Variants in ESRRG observed in about 807,000 individuals in gnomAD.
The protein encoded by ESRRG is estrogen-related receptor gamma.
In ESRRG, 13 loss-of-function variants were observed where a neutral mutation model predicts 44.0. The ratio of observed to expected loss-of-function variants is 0.30; its 90% CI spans 0.19 to 0.47. The LOEUF (loss-of-function observed/expected upper bound fraction) is 0.47, where lower values mean the gene tolerates loss of function less well. Among genes scored for constraint, ESRRG ranks in the 20% least tolerant of loss-of-function variants. The probability of loss-of-function intolerance (pLI) is 1.00; values close to 1 mark genes in which losing one functional copy is unlikely to be tolerated. For missense variants in ESRRG, 395 were observed against 580.6 expected, an observed-to-expected ratio of 0.68 and a Z score of 3.29; for synonymous variants, 215 against 214.6, an observed-to-expected ratio of 1.00 and a Z score of -0.02.
chr1:216,519,269 A>C lies in ESRRG; in HGVS notation c.1015T>G (p.Leu339Val). The change falls in exon 6 of 7, where the codon TTA becomes GTA. Residue 339 changes from leucine (L) to valine (V), a missense_variant. Leu to Val is a conservative substitution (Grantham distance 32). Around this residue, in one of 5 missense-constraint regions of ESRRG, gnomAD observed 167 missense variants for 251.8 expected, o/e 0.66. Coordinates refer to ENST00000408911, the MANE Select transcript of ESRRG (RefSeq NM_001438.4). The stretch of plus-strand genomic sequence containing the variant: ...TTATTTAGATCAAGAAGGCCTGCTA[A>C]TTTGGACTGGTCTTCGTCCATTATA... ...DYIMDEDQSK[L>V]AGLLDLNNAI... 1.2e-6 allele frequency: 2 copies of C among 1,613,884 alleles called. No individual in the cohort carries two copies. The highest frequency in any genetic ancestry group is 1.7e-6 in the Non-Finnish European group (2 of 1,179,860).
At chr1:216,898,288 C>A (rs2149461447) in intron 2 of ESRRG, among the ~76,000 whole-genome samples, 1 of 152,276 alleles carries the variant, frequency 6.6e-6, no homozygotes, top group Admixed American at 6.5e-5. Flanking sequence ...GGACTCATTT[C>A]ATATACCATT....
chr1:217,133,630 T>TC (rs763354901), intron 1 of ESRRG, among the ~76,000 whole-genome samples: 44 of 46,352 alleles, frequency 9.5e-4, no homozygotes, highest in Non-Finnish European at 1.1e-3. Flanking sequence ...TCTTTCTTTC[T>TC]TTCTCTCTCT....
chr1:216,647,645 C>T (rs1345320041), intron 3 of ESRRG, among the ~76,000 whole-genome samples: 1 of 152,122 alleles, frequency 6.6e-6, no homozygotes, highest in East Asian at 1.9e-4. Context: ...TCACTTTCTC[C>T]TTCACACTCC....
chr1:216,937,598 G>A (rs187205380), intron 2 of ESRRG, among the ~76,000 whole-genome samples: 3 of 152,224 alleles, frequency 2.0e-5, no homozygotes, highest in Non-Finnish European at 4.4e-5. Context: ...TGGCTCAAAT[G>A]AGCTGAAAAT....
At chr1:216,899,737 T>C (rs1013450891) in intron 2 of ESRRG, among the ~76,000 whole-genome samples, 3 of 152,168 alleles carry the variant, frequency 2.0e-5, no homozygotes, top group African/African-American at 7.2e-5. Flanking sequence ...ACTGGGATGA[T>C]GCTAACATTG....
intron 2 of ESRRG, among the ~76,000 whole-genome samples, chr1:216,730,465 T>C (rs1049950631): frequency 1.3e-5 from 2 of 152,092 alleles, no homozygotes; most frequent in African/African-American, 4.8e-5. Context: ...CCTTCAGGGA[T>C]TCAGTTTTGT....
chr1:216,740,902 A>G (rs2090600733), intron 2 of ESRRG, among the ~76,000 whole-genome samples: 1 of 151,412 alleles, frequency 6.6e-6, no homozygotes, highest in African/African-American at 2.4e-5. Flanking sequence ...ATGGGATTAT[A>G]TATACATATT....
intron 2 of ESRRG, among the ~76,000 whole-genome samples, chr1:216,790,407 G>A (rs953670796): frequency 1.3e-5 from 2 of 152,064 alleles, no homozygotes; most frequent in African/African-American, 4.8e-5. Flanking sequence ...TAAGGCATAA[G>A]TCACTTTATA....
chr1:216,615,472 C>A (rs1036524561), intron 3 of ESRRG, among the ~76,000 whole-genome samples: 4 of 152,136 alleles, frequency 2.6e-5, no homozygotes, highest in Admixed American at 2.6e-4. Context: ...GCATGACGTA[C>A]AATCTCTGTT....
rs573015322 is a variant in ESRRG, at chr1:216,563,969, G to A, written c.862+250C>T. Reference sequence around the variant, plus strand: ...AGAAATGTTTTAAATTTATATTCTCGTTAGCTTACACTGGCAGTAGTACCT... The same window carrying A: ...AGAAATGTTTTAAATTTATATTCTCATTAGCTTACACTGGCAGTAGTACCT... On this transcript the variant is annotated intron_variant, in intron 5 of 6. Transcript: ENST00000408911. Among the ~76,000 whole-genome samples the A allele has an allele frequency of 2.7e-4, 41 of 152,178 alleles. 1 individual carries two copies. Among genetic ancestry groups the A allele is most frequent in the South Asian group, 4.1e-4 (2 of 4,824 alleles).
chr1:216,605,545 A>T (rs1250926978), intron 3 of ESRRG, among the ~76,000 whole-genome samples: 1 of 152,226 alleles, frequency 6.6e-6, no homozygotes, highest in Non-Finnish European at 1.5e-5. Context: ...AAAGAGGATT[A>T]TATCTAAAAA....
At chr1:216,568,347 C>T (rs1001084530) in intron 3 of ESRRG, among the ~76,000 whole-genome samples, 1 of 152,184 alleles carries the variant, frequency 6.6e-6, no homozygotes, top group Admixed American at 6.5e-5. Flanking sequence ...ACTATTTGCA[C>T]ATCAAAGAAA....
chr1:216,802,695 T>G (rs2094661340), intron 2 of ESRRG, among the ~76,000 whole-genome samples: 1 of 152,258 alleles, frequency 6.6e-6, no homozygotes, highest in South Asian at 2.1e-4. Flanking sequence ...TTCAGATGTT[T>G]ATGCCCATCC....
chr1:216,761,185 C>A (rs193298048), intron 2 of ESRRG, among the ~76,000 whole-genome samples: 8 of 151,614 alleles, frequency 5.3e-5, no homozygotes, highest in African/African-American at 1.9e-4. Context: ...TTTTCTTGTT[C>A]TAGAAATAAG....
intron 1 of ESRRG, among the ~76,000 whole-genome samples, chr1:217,039,411 T>G (rs1053382077): frequency 6.6e-6 from 1 of 152,156 alleles, no homozygotes; most frequent in Admixed American, 6.5e-5. Context: ...CAGTTCCACA[T>G]GTAAGTGTGG....
At chr1:216,829,052 T>C (rs1212953053) in intron 2 of ESRRG, among the ~76,000 whole-genome samples, 1 of 152,198 alleles carries the variant, frequency 6.6e-6, no homozygotes, top group Non-Finnish European at 1.5e-5. Context: ...TTAAGTGACA[T>C]TTCTTTTATT....
At chr1:216,828,798 C>G (rs929481835) in intron 2 of ESRRG, among the ~76,000 whole-genome samples, 1 of 96,614 alleles carries the variant, frequency 1.0e-5, no homozygotes, top group Non-Finnish European at 2.4e-5. Context: ...TGCTAGAACC[C>G]ATATGTCCTC....
At chr1:216,630,320 C>A (rs1392982488) in intron 3 of ESRRG, among the ~76,000 whole-genome samples, 3 of 152,066 alleles carry the variant, frequency 2.0e-5, no homozygotes, top group Non-Finnish European at 4.4e-5. Flanking sequence ...TTCCCTTCAA[C>A]ACAGAATGAT....
At chr1:216,867,433 C>G (rs11572548) in intron 2 of ESRRG, among the ~76,000 whole-genome samples, 18,673 of 152,118 alleles carry the variant, frequency 0.12, 1,526 homozygotes, top group Non-Finnish European at 0.18. Context: ...TTCATATATT[C>G]ATGAAGAAAG....
Sources: gnomAD v4.1 joint callset for allele counts (sites outside exome capture counted in the v4.1 genomes callset) on GRCh38, gnomAD v4.1.1 for gene constraint, gnomAD v4.1.1 regional missense constraint, MANE v1.5 for transcripts, NCBI Gene and HGNC (gene_info 2026-07-23, HGNC 2026-07-21) for gene names.